The following DNM3 variants were observed in gnomAD, a reference collection of about 807,000 sequenced individuals.
The protein encoded by DNM3 is dynamin-3.
In DNM3, 47 loss-of-function variants were observed where a neutral mutation model predicts 101.6. The observed-to-expected ratio is 0.46, with a 90% CI of 0.37 to 0.59. The LOEUF (loss-of-function observed/expected upper bound fraction) is 0.59. Among genes scored for constraint, DNM3 ranks in the 20% least tolerant of loss-of-function variants. DNM3 has a pLI of 0.00. For missense variants in DNM3, 849 were observed against 1,085.7 expected, an observed-to-expected ratio of 0.78 and a Z score of 3.06; for synonymous variants, 385 against 387.9, an observed-to-expected ratio of 0.99 and a Z score of 0.09.
intron 13 of DNM3, among the ~76,000 whole-genome samples, chr1:172,097,819 A>C (rs2054346991): frequency 6.6e-6 from 1 of 152,172 alleles, no homozygotes; most frequent in Non-Finnish European, 1.5e-5. Context: ...CAGAGTACAA[A>C]ACAGAGAAAT....
chr1:172,119,736 G>A (rs1281761963), intron 13 of DNM3, among the ~76,000 whole-genome samples: 1 of 152,088 alleles, frequency 6.6e-6, no homozygotes. Context: ...TGTCCAGACT[G>A]AACTTATGAC....
At chr1:171,994,794 A>G (rs758434689) in intron 4 of DNM3, among the ~76,000 whole-genome samples, 41 of 151,516 alleles carry the variant, frequency 2.7e-4, no homozygotes, top group Non-Finnish European at 5.2e-4. Flanking sequence ...ATTTTTGACA[A>G]ATTTTTTCTG....
intron 14 of DNM3, among the ~76,000 whole-genome samples, chr1:172,188,952 ATTTTCTCCT>A (rs1167239814): frequency 7.1e-6 from 1 of 140,728 alleles, no homozygotes; most frequent in Non-Finnish European, 1.5e-5. Flanking sequence ...GTTCCCCTAG[ATTTTCTCCT>A]ATGTTATTTT....
chr1:172,367,579 G>T (rs578054289), intron 17 of DNM3, among the ~76,000 whole-genome samples: 22 of 151,940 alleles, frequency 1.4e-4, no homozygotes, highest in African/African-American at 5.3e-4. Flanking sequence ...ACAAGATTAA[G>T]TCCTCTCCTA....
chr1:172,390,246 T>G (rs2069446521), intron 20 of DNM3, among the ~76,000 whole-genome samples: 1 of 152,232 alleles, frequency 6.6e-6, no homozygotes, highest in African/African-American at 2.4e-5. Flanking sequence ...TACTAGGCAT[T>G]GCCCTAAGAA....
chr1:172,330,772 C>G (rs948523759), intron 17 of DNM3, among the ~76,000 whole-genome samples: 1 of 151,862 alleles, frequency 6.6e-6, no homozygotes, highest in Admixed American at 6.6e-5. Flanking sequence ...AACAGAATAT[C>G]TAGGAGGAGA....
chr1:172,114,028 G>A (rs1449198858), intron 13 of DNM3, among the ~76,000 whole-genome samples: 3 of 152,158 alleles, frequency 2.0e-5, no homozygotes, highest in Non-Finnish European at 4.4e-5. Context: ...CTCTCATGAA[G>A]CTTATATTTT....
At chr1:172,233,780 C>G (rs983215441) in intron 14 of DNM3, among the ~76,000 whole-genome samples, 1 of 151,840 alleles carries the variant, frequency 6.6e-6, no homozygotes, top group Non-Finnish European at 1.5e-5. Context: ...ACAGAACCAA[C>G]GACAAAAACC....
At chr1:171,875,078 A>T (rs2035638580) in intron 1 of DNM3, among the ~76,000 whole-genome samples, 1 of 152,088 alleles carries the variant, frequency 6.6e-6, no homozygotes, top group South Asian at 2.1e-4. Context: ...GTTGATGGGC[A>T]CCCAGGTTGA....
intron 16 of DNM3, among the ~76,000 whole-genome samples, chr1:172,311,830 A>G (rs2065096378): frequency 6.6e-6 from 1 of 152,200 alleles, no homozygotes; most frequent in African/African-American, 2.4e-5. Flanking sequence ...ATCAATGCAT[A>G]TTTGGTACAA....
chr1:171,982,944 C>A (rs1558370589), intron 2 of DNM3, among the ~76,000 whole-genome samples: 1 of 152,210 alleles, frequency 6.6e-6, no homozygotes, highest in East Asian at 1.9e-4. Flanking sequence ...CTATGGATGC[C>A]CTGGCATGTT....
chr1:172,213,406 A>G (rs2060578500), intron 14 of DNM3, among the ~76,000 whole-genome samples: 1 of 149,304 alleles, frequency 6.7e-6, no homozygotes, highest in Non-Finnish European at 1.5e-5. Context: ...CTTGATCTGG[A>G]TGTGGGTTAC....
At chr1:172,014,773 G>C (rs2047343492) in intron 4 of DNM3, among the ~76,000 whole-genome samples, 1 of 151,218 alleles carries the variant, frequency 6.6e-6, no homozygotes, top group African/African-American at 2.4e-5. Context: ...TTTTTTTTCT[G>C]AGCAGAGCTT....
chr1:172,119,884 A>G (rs1365200159), intron 13 of DNM3, among the ~76,000 whole-genome samples: 3 of 152,036 alleles, frequency 2.0e-5, no homozygotes, highest in Non-Finnish European at 2.9e-5. Context: ...CCAATTTATC[A>G]TTGTCATACT....
intron 14 of DNM3, among the ~76,000 whole-genome samples, chr1:172,166,390 G>A (rs955846971): frequency 1.3e-5 from 2 of 151,850 alleles, no homozygotes; most frequent in Non-Finnish European, 2.9e-5. Flanking sequence ...AGTACCTCAC[G>A]ACATAAGTTT....
At chr1:172,068,777 A>G (rs1244253138) in intron 10 of DNM3, 42 bp from the exon 11 acceptor site, 29 of 1,486,056 alleles carry the variant, frequency 2.0e-5, no homozygotes, top group Non-Finnish European at 2.6e-5. Flanking sequence ...TTGGTAGTGT[A>G]ACTTTTTGAG....
chr1:172,388,441 C>A, intron 19 of DNM3, 132 bp from the exon 20 acceptor site: 1 of 798,680 alleles, frequency 1.3e-6, no homozygotes, highest in Non-Finnish European at 2.0e-6. Context: ...ATCCCTTTGA[C>A]TTTCATGACA....
intron 17 of DNM3, among the ~76,000 whole-genome samples, chr1:172,372,136 A>G (rs920260935): frequency 8.9e-5 from 12 of 134,500 alleles, no homozygotes; most frequent in Non-Finnish European, 1.7e-4. Context: ...TCATTGTTCA[A>G]TTCCCACCTA....
At chr1:172,306,562 G>T (rs545662269) in intron 15 of DNM3, among the ~76,000 whole-genome samples, 6 of 152,102 alleles carry the variant, frequency 3.9e-5, no homozygotes, top group Admixed American at 2.6e-4. Context: ...AAAAGAGCCC[G>T]CATTGCCAAG....
Sources: gnomAD v4.1 joint callset for allele counts (sites outside exome capture counted in the v4.1 genomes callset) on GRCh38, gnomAD v4.1.1 for gene constraint, MANE v1.5 for transcripts, NCBI Gene and HGNC (gene_info 2026-07-23, HGNC 2026-07-21) for gene names.